The following SOX5 variants were observed in gnomAD, a reference collection of about 807,000 sequenced individuals.
SOX5 encodes SRY-box transcription factor 5, also known as transcription factor SOX-5.
SOX5 carries 9 observed loss-of-function variants against 92.0 expected under a neutral mutation model. That is an observed-to-expected ratio of 0.10 (90% CI 0.06 to 0.17). The LOEUF (loss-of-function observed/expected upper bound fraction) is 0.17, where lower values mean the gene tolerates loss of function less well. SOX5 is among the 10% of genes least tolerant of loss of function. The pLI, the probability that SOX5 is intolerant of heterozygous loss-of-function variation, is 1.00. For synonymous variants in SOX5, 344 were observed against 336.3 expected (o/e 1.02, Z -0.25); for missense variants, 642 against 944.5 (o/e 0.68, Z 4.20).
At chr12:24,023,587 T>C (rs1269644825) in intron 4 of SOX5, among the ~76,000 whole-genome samples, 1 of 152,054 alleles carries the variant, frequency 6.6e-6, no homozygotes, top group Non-Finnish European at 1.5e-5. Flanking sequence ...ATTGCTAAAT[T>C]TCATTGTTCC....
intron 1 of SOX5, among the ~76,000 whole-genome samples, chr12:24,543,625 T>C (rs775252587): frequency 6.6e-6 from 1 of 152,166 alleles, no homozygotes; most frequent in Non-Finnish European, 1.5e-5. Context: ...GAGGCAGAGT[T>C]TGCAGTGAAC....
rs78017269 is a variant in SOX5 at position 23,957,255 on chromosome 12, T to A, written c.-1-61231A>T. Among the ~76,000 whole-genome samples, 951 of 152,282 alleles carry A rather than the reference T, an allele frequency of 6.2e-3. 8 individuals carry two copies. The highest frequency in any genetic ancestry group is 0.014 in the Admixed American group (212 of 15,304). On this transcript the variant is annotated intron_variant, in intron 4 of 4. Coordinates refer to the SOX5 transcript ENST00000446891. ...TTAATGTATATAAGTTCATTTAAATTAAAATGACCAGGACAACTTAATTGG... is the reference window on the plus strand; with the variant it reads ...TTAATGTATATAAGTTCATTTAAATAAAAATGACCAGGACAACTTAATTGG...
At chr12:24,323,360 A>G (rs1215115021) in intron 2 of SOX5, among the ~76,000 whole-genome samples, 1 of 151,246 alleles carries the variant, frequency 6.6e-6, no homozygotes, top group East Asian at 1.9e-4. Context: ...TAGTTATATA[A>G]TTAGTGATAG....
chr12:23,937,208 A>T (rs1412559837), intron 1 of SOX5, among the ~76,000 whole-genome samples: 1 of 151,014 alleles, frequency 6.6e-6, no homozygotes, highest in African/African-American at 2.4e-5. Flanking sequence ...ATTATTACTT[A>T]GTCAAAAATT....
At chr12:24,454,136 T>C (rs974924625) in intron 1 of SOX5, among the ~76,000 whole-genome samples, 2 of 152,200 alleles carry the variant, frequency 1.3e-5, no homozygotes, top group Admixed American at 6.5e-5. Flanking sequence ...CCACCAAAAA[T>C]GCACCTGCTT....
At chr12:23,961,766 T>C (rs1946969915) in intron 4 of SOX5, among the ~76,000 whole-genome samples, 2 of 152,192 alleles carry the variant, frequency 1.3e-5, no homozygotes, top group African/African-American at 2.4e-5. Context: ...CTGCACTCTT[T>C]ACCAGAAGAA....
chr12:23,950,858 G>A, upstream of SOX5: 5 of 1,535,102 alleles, frequency 3.3e-6, no homozygotes, highest in South Asian at 5.9e-5. Context: ...CACAGAGAGA[G>A]AGACACTTAC....
intron 8 of SOX5, among the ~76,000 whole-genome samples, chr12:23,616,266 G>A (rs895452989): frequency 2.6e-5 from 4 of 152,200 alleles, no homozygotes; most frequent in African/African-American, 7.2e-5. Flanking sequence ...AAGGGACAGG[G>A]GTAGAGAATA....
At chr12:24,134,540 CACACACATAA>C (rs1223060393) in intron 4 of SOX5, among the ~76,000 whole-genome samples, 1 of 152,162 alleles carries the variant, frequency 6.6e-6, no homozygotes, top group Admixed American at 6.5e-5. Flanking sequence ...CACATGCACA[CACACACATAA>C]ACACACATAC....
At chr12:23,602,288 T>C (rs1278408421) in intron 9 of SOX5, among the ~76,000 whole-genome samples, 2 of 152,194 alleles carry the variant, frequency 1.3e-5, no homozygotes, top group African/African-American at 4.8e-5. Context: ...GTTCTATGAA[T>C]GTATAGAACT....
At chr12:23,595,307 T>C (rs1459365793) in intron 9 of SOX5, among the ~76,000 whole-genome samples, 2 of 151,884 alleles carry the variant, frequency 1.3e-5, no homozygotes, top group Non-Finnish European at 1.5e-5. Context: ...AAACCACACA[T>C]GAAATCTGAA....
In SOX5 at chr12:23,641,042, T is replaced by C. The variant is rs77889068; in HGVS notation, c.932-145A>G. On this transcript the variant is annotated intron_variant, in intron 7 of 14. Coordinates refer to ENST00000451604, the MANE Select transcript of SOX5 (RefSeq NM_006940.6). ...AAAGCTCTATTGTGCAGCCTTTTACTAACACTCTTTTCACAATTCTGGCTG... is the reference window on the plus strand; with the variant it reads ...AAAGCTCTATTGTGCAGCCTTTTACCAACACTCTTTTCACAATTCTGGCTG... The C allele has an allele frequency of 8.0e-3, 4,387 of 551,608 alleles. 186 individuals are homozygous for C. In the East Asian group the frequency reaches 0.096, roughly 12 times the overall value. The allele number at this position is 551,608 out of a possible 1,614,324, so 34.2% of individuals were successfully genotyped here.
intron 4 of SOX5, among the ~76,000 whole-genome samples, chr12:24,186,228 G>C (rs986527247): frequency 6.6e-6 from 1 of 152,144 alleles, no homozygotes; most frequent in African/African-American, 2.4e-5. Flanking sequence ...AAAATATTTA[G>C]AGAATTCTGA....
intron 4 of SOX5, among the ~76,000 whole-genome samples, chr12:24,119,279 G>C (rs1488334766): frequency 6.6e-6 from 1 of 152,034 alleles, no homozygotes; most frequent in African/African-American, 2.4e-5. Flanking sequence ...AAAACATTGA[G>C]TAGAATTTTC....
At chr12:23,711,022 T>A (rs534686476) in intron 6 of SOX5, among the ~76,000 whole-genome samples, 2 of 152,320 alleles carry the variant, frequency 1.3e-5, no homozygotes, top group South Asian at 4.1e-4. Flanking sequence ...GATCCATCAG[T>A]TCAAGGAGTG....
At position 24,120,165 on chromosome 12, in the gene SOX5, T is replaced by C. The variant is rs117659213; in HGVS notation, c.-2+93178A>G. 2.8e-3 allele frequency among the ~76,000 whole-genome samples: 419 copies of C among 152,314 alleles called. 1 individual carries two copies. The highest frequency in any genetic ancestry group is 4.8e-3 in the Non-Finnish European group (328 of 68,022). ...TCTTTCGGTGAGCATATGTATGTATTTCTGTTGGATATACACTCAGAAGTG... is the reference window on the plus strand; with the variant it reads ...TCTTTCGGTGAGCATATGTATGTATCTCTGTTGGATATACACTCAGAAGTG... On this transcript the variant is annotated intron_variant, in intron 4 of 4. Transcript: ENST00000446891.
chr12:24,278,600 A>G (rs989147989), intron 2 of SOX5, among the ~76,000 whole-genome samples: 2 of 152,080 alleles, frequency 1.3e-5, no homozygotes, highest in Admixed American at 6.6e-5. Context: ...AGTCCCAGCT[A>G]TTTGGGAGAA....
At chr12:23,653,140 C>G (rs1210902001) in intron 7 of SOX5, among the ~76,000 whole-genome samples, 1 of 151,968 alleles carries the variant, frequency 6.6e-6, no homozygotes, top group African/African-American at 2.4e-5. Flanking sequence ...CTGGCTCCTG[C>G]AGCATATGTC....
chr12:24,301,038 A>G (rs1422015802), intron 2 of SOX5, among the ~76,000 whole-genome samples: 1 of 152,200 alleles, frequency 6.6e-6, no homozygotes, highest in African/African-American at 2.4e-5. Context: ...ACTCTCAGCA[A>G]GTGCCCTGAG....
Sources: allele counts gnomAD v4.1 joint callset (sites outside exome capture counted in the v4.1 genomes callset), GRCh38; gene constraint gnomAD v4.1.1; transcripts MANE v1.5; gene names NCBI Gene and HGNC (gene_info 2026-07-23, HGNC 2026-07-21).